PPFIA2: variants seen among roughly 807,000 people sequenced by gnomAD.
PPFIA2 encodes liprin-alpha-2.
In PPFIA2, 46 loss-of-function variants were observed where a neutral mutation model predicts 175.5. That is an observed-to-expected ratio of 0.26 (90% confidence interval 0.21 to 0.34). PPFIA2 has a LOEUF of 0.34. PPFIA2 is among the 10% of genes least tolerant of loss of function. The pLI, the probability that PPFIA2 is intolerant of heterozygous loss-of-function variation, is 1.00. For missense variants in PPFIA2, 1,179 were observed against 1,506.1 expected (o/e 0.78, Z 3.60); for synonymous variants, 568 against 511.4 (o/e 1.11, Z -1.49).
At chr12:81,361,108 T>A (rs1038198902) in intron 15 of PPFIA2, among the ~76,000 whole-genome samples, 1 of 151,650 alleles carries the variant, frequency 6.6e-6, no homozygotes, top group Non-Finnish European at 1.5e-5. Context: ...GGCCAAATCA[T>A]CCTTCATTGT....
intron 3 of PPFIA2, among the ~76,000 whole-genome samples, chr12:81,717,167 C>T (rs916336487): frequency 1.3e-5 from 2 of 151,604 alleles, no homozygotes; most frequent in Non-Finnish European, 2.9e-5. Flanking sequence ...TGCTTTTGTA[C>T]CAAGAAAGCA....
At chr12:81,288,888 T>C (rs767566207) in intron 24 of PPFIA2, among the ~76,000 whole-genome samples, 1 of 151,714 alleles carries the variant, frequency 6.6e-6, no homozygotes, top group Admixed American at 6.6e-5. Context: ...CACACCCTCT[T>C]TTCAATAAAG....
At chr12:81,601,201 T>C (rs761000365) in intron 4 of PPFIA2, among the ~76,000 whole-genome samples, 59 of 151,976 alleles carry the variant, frequency 3.9e-4, no homozygotes, top group Non-Finnish European at 1.2e-4. Context: ...TTATTTTAAG[T>C]ACAATGCTTT....
chr12:81,426,663 CTTATTTAT>C (rs144612518), intron 7 of PPFIA2, among the ~76,000 whole-genome samples: 4,594 of 151,758 alleles, frequency 0.03, 215 homozygotes, highest in African/African-American at 0.1. Flanking sequence ...TTTCATCCAT[CTTATTTAT>C]TTATTTATTT....
intron 9 of PPFIA2, 75 bp downstream of exon 9, chr12:81,383,948 A>G (rs2038348699): frequency 3.3e-6 from 4 of 1,212,570 alleles, no homozygotes; most frequent in Non-Finnish European, 4.8e-6. Context: ...TATGGTCATT[A>G]CGGGAAATTA....
In PPFIA2 at chr12:81,556,584, G is replaced by A. The variant is rs937438495; in HGVS notation, c.304-98718C>T. Among the ~76,000 whole-genome samples the A allele has an allele frequency of 5.3e-5, 8 of 151,708 alleles. No individual in the cohort carries two copies. The East Asian group carries it at 9.6e-4, about 18-fold the overall frequency. The stretch of plus-strand genomic sequence containing the variant: ...ATTAGGTAAGTTGAAAAGTGGTGCT[G>A]GACATCAAACAAGTGGGAAAATTTG... On this transcript the variant is annotated intron_variant, in intron 4 of 32. Coordinates refer to ENST00000549396, the MANE Select transcript of PPFIA2 (RefSeq NM_003625.5).
intron 28 of PPFIA2, among the ~76,000 whole-genome samples, chr12:81,276,716 T>C (rs1410904755): frequency 6.6e-6 from 1 of 152,190 alleles, no homozygotes; most frequent in Non-Finnish European, 1.5e-5. Flanking sequence ...TGGAGTGTCT[T>C]TTCTTGTTAT....
At chr12:81,549,623 C>G (rs184270346) in intron 4 of PPFIA2, among the ~76,000 whole-genome samples, 1 of 151,906 alleles carries the variant, frequency 6.6e-6, no homozygotes, top group Non-Finnish European at 1.5e-5. Flanking sequence ...TGAATATGTC[C>G]CATTCCATTA....
At chr12:81,494,391 G>A (rs7962572) in intron 4 of PPFIA2, among the ~76,000 whole-genome samples, 2,075 of 152,214 alleles carry the variant, frequency 0.014, 47 homozygotes, top group African/African-American at 0.047. Context: ...AAACCACAAT[G>A]AGATATCATC....
intron 4 of PPFIA2, among the ~76,000 whole-genome samples, chr12:81,486,596 A>G (rs2146902714): frequency 6.6e-6 from 1 of 152,004 alleles, no homozygotes; most frequent in Admixed American, 6.6e-5. Flanking sequence ...ATTTGCACAA[A>G]GATTTTCAAA....
chr12:81,420,122 C>A (rs2045986821), intron 7 of PPFIA2, among the ~76,000 whole-genome samples: 2 of 152,158 alleles, frequency 1.3e-5, no homozygotes, highest in Non-Finnish European at 2.9e-5. Context: ...GCCACTGTGT[C>A]CTTCAGAGAA....
chr12:81,362,187 CTT>C (rs575395578), intron 15 of PPFIA2, among the ~76,000 whole-genome samples: 4 of 140,614 alleles, frequency 2.8e-5, no homozygotes, highest in Admixed American at 7.1e-5. Context: ...CTCTTTTCCT[CTT>C]TTTTTTTTTT....
intron 3 of PPFIA2, among the ~76,000 whole-genome samples, chr12:81,684,930 G>A (rs764938641): frequency 4.6e-5 from 7 of 151,804 alleles, no homozygotes; most frequent in African/African-American, 9.7e-5. Context: ...TTCATCCTCT[G>A]GTTAAATACT....
intron 5 of PPFIA2, among the ~76,000 whole-genome samples, chr12:81,452,829 G>A (rs1411668726): frequency 2.0e-5 from 3 of 152,082 alleles, no homozygotes; most frequent in African/African-American, 7.2e-5. Flanking sequence ...ACAAAAGTGA[G>A]GGCATGGTAA....
intron 3 of PPFIA2, among the ~76,000 whole-genome samples, chr12:81,712,380 A>C (rs1159445888): frequency 6.6e-6 from 1 of 151,422 alleles, no homozygotes; most frequent in East Asian, 2.0e-4. Context: ...AGAGAACCTC[A>C]CAAAGAATAT....
intron 24 of PPFIA2, chr12:81,292,362 G>A (rs1480280810): frequency 5.3e-5 from 8 of 151,982 alleles, no homozygotes; most frequent in African/African-American, 1.2e-4. Context: ...GAACAACACA[G>A]GTTTGAACTG....
chr12:81,504,982 C>G (rs887605022), intron 4 of PPFIA2, among the ~76,000 whole-genome samples: 8 of 152,066 alleles, frequency 5.3e-5, no homozygotes, highest in Non-Finnish European at 1.2e-4. Flanking sequence ...CATCACACAC[C>G]GGGCCCTGTC....
chr12:81,315,953 G>A (rs906906213), intron 22 of PPFIA2, among the ~76,000 whole-genome samples: 1 of 151,610 alleles, frequency 6.6e-6, no homozygotes, highest in African/African-American at 2.4e-5. Context: ...ACTTAAAGGA[G>A]TTTAAGAAAT....
At chr12:81,724,262 AT>A (rs1285146381) in intron 3 of PPFIA2, among the ~76,000 whole-genome samples, 1 of 151,104 alleles carries the variant, frequency 6.6e-6, no homozygotes, top group Non-Finnish European at 1.5e-5. Flanking sequence ...TAAAAGCTCT[AT>A]AATTATAAGC....
Sources: allele counts gnomAD v4.1 joint callset (sites outside exome capture counted in the v4.1 genomes callset), GRCh38; gene constraint gnomAD v4.1.1; transcripts MANE v1.5; gene names NCBI Gene and HGNC (gene_info 2026-07-23, HGNC 2026-07-21).